The following TECR variants were observed in gnomAD, a reference collection of about 807,000 sequenced individuals.
TECR encodes trans-2,3-enoyl-CoA reductase.
Under a neutral mutation model 50.6 loss-of-function variants are expected in TECR, and 19 were observed. That is an observed-to-expected ratio of 0.38 (90% CI 0.26 to 0.55). The LOEUF (loss-of-function observed/expected upper bound fraction) is 0.55, where lower values mean the gene tolerates loss of function less well. Ranked by LOEUF, TECR falls within the 20% of genes least tolerant of loss-of-function variation. The probability of loss-of-function intolerance (pLI) is 0.79; values close to 1 mark genes in which losing one functional copy is unlikely to be tolerated. For synonymous variants in TECR, 168 were observed against 163.5 expected (o/e 1.03, Z -0.21); for missense variants, 313 against 408.3 (o/e 0.77, Z 2.01).
In TECR at chr19:14,562,662, C is replaced by A. The variant is rs1004206941; in HGVS notation, c.66+87C>A. The A allele has an allele frequency of 2.5e-5, 36 of 1,429,872 alleles. No individual in the cohort carries two copies. In the African/African-American group the frequency reaches 3.1e-4, roughly 12 times the overall value. 88.6% of individuals were successfully genotyped at this position (1,429,872 alleles called of 1,614,324 possible). On this transcript the variant is annotated intron_variant, in intron 2 of 12. Transcript: ENST00000215567. Reference sequence around the variant, plus strand: ...TAGCCCAGGAGCTGTCCAGTGGGGCCCTTTGTGCCCCACCCCCTGCCCTAT... The same window carrying A: ...TAGCCCAGGAGCTGTCCAGTGGGGCACTTTGTGCCCCACCCCCTGCCCTAT...
At chr19:14,558,672 C>A (rs1423435327) in intron 1 of TECR, among the ~76,000 whole-genome samples, 1 of 152,170 alleles carries the variant, frequency 6.6e-6, no homozygotes, top group African/African-American at 2.4e-5. Flanking sequence ...GTGGTCTCAC[C>A]CCTTGCCCGT....
intron 2 of TECR, 45 bp downstream of exon 2, chr19:14,562,620 C>G (rs745314056): frequency 5.0e-5 from 80 of 1,608,790 alleles, no homozygotes; most frequent in Non-Finnish European, 6.4e-5. Context: ...GCACTGGGCC[C>G]GGGACCCCAA....
At chr19:14,564,701 C>T in intron 7 of TECR, 85 bp from the exon 8 acceptor site, 3 of 1,445,738 alleles carry the variant, frequency 2.1e-6, no homozygotes, top group East Asian at 2.3e-5. Flanking sequence ...CCACCATGCT[C>T]CCAGGCCCCT....
At chr19:14,556,819 C>T (rs995214887) in intron 1 of TECR, among the ~76,000 whole-genome samples, 64 of 152,166 alleles carry the variant, frequency 4.2e-4, no homozygotes, top group Non-Finnish European at 6.8e-4. Flanking sequence ...TAAGTCTGTG[C>T]GGCCACAAGG....
At chr19:14,528,940 A>AAAAAC (rs553743215), upstream of TECR, among the ~76,000 whole-genome samples, 1 of 152,168 alleles carries the variant, frequency 6.6e-6, no homozygotes, top group Non-Finnish European at 1.5e-5. Context: ...AGATTGTTTC[A>AAAAAC]AAAACAAAAC....
At chr19:14,562,146 C>T (rs766236934) in intron 1 of TECR, 242 of 565,872 alleles carry the variant, frequency 4.3e-4, no homozygotes, top group Non-Finnish European at 7.0e-4. Context: ...TCCTGGGGGG[C>T]GCAGTCTGGG....
At chr19:14,531,600 T>G (rs977109575) in intron 1 of TECR, 3 of 152,090 alleles carry the variant, frequency 2.0e-5, no homozygotes, top group African/African-American at 4.8e-5. Flanking sequence ...TTTTGTATTT[T>G]TAGTAGAGAC....
chr19:14,560,701 G>A (rs1474839094), intron 1 of TECR, among the ~76,000 whole-genome samples: 5 of 152,242 alleles, frequency 3.3e-5, no homozygotes, highest in Non-Finnish European at 7.3e-5. Flanking sequence ...AGGAGGCCCC[G>A]TGGGCCAGGA....
chr19:14,560,831 T>C lies in TECR; in HGVS notation c.16-1694T>C, dbSNP rs1431831176. ...TGCCAGGCCAGCAGGGGAGTGGGGA[T>C]CTGAACCAAACCCACGGGCAACAAT... On this transcript the variant is annotated intron_variant, in intron 1 of 12. Transcript: ENST00000215567. Among the ~76,000 whole-genome samples the C allele has an allele frequency of 2.0e-5, 3 of 152,226 alleles. No individual in the cohort carries two copies. In the East Asian group the frequency reaches 5.8e-4, roughly 29 times the overall value.
At chr19:14,547,200 T>G (rs1034831279) in intron 1 of TECR, among the ~76,000 whole-genome samples, 5 of 152,214 alleles carry the variant, frequency 3.3e-5, no homozygotes, top group African/African-American at 1.2e-4. Context: ...CTGAAGCATT[T>G]AGACTCTAGA....
At chr19:14,561,431 T>C (rs1008510476) in intron 1 of TECR, among the ~76,000 whole-genome samples, 5 of 152,090 alleles carry the variant, frequency 3.3e-5, no homozygotes, top group Non-Finnish European at 5.9e-5. Flanking sequence ...GCTGCCTCCC[T>C]CCAGCCCTGC....
At position 14,542,943 on chromosome 19, in the gene TECR, TGA is replaced by T. The variant is rs377587214; in HGVS notation, c.15+13237_15+13238del. On this transcript the variant is annotated intron_variant, in intron 1 of 12. Transcript: ENST00000215567. ...GCCCACCAGCCATTCACAGACTGCC[TGA>T]GAGAATGCAGGGCTTTATGCAGTCT... Among the ~76,000 whole-genome samples, 22 of 151,818 alleles carry T rather than the reference TGA, an allele frequency of 1.4e-4. 2 individuals carry two copies. The highest frequency in any genetic ancestry group is 5.3e-4 in the African/African-American group (22 of 41,372).
chr19:14,534,211 G>A (rs1192287669), intron 1 of TECR, among the ~76,000 whole-genome samples: 1 of 149,334 alleles, frequency 6.7e-6, no homozygotes, highest in South Asian at 2.1e-4. Context: ...TGTAAGCTCC[G>A]CCTCCCGGGT....
rs1254293613 is a variant in TECR, at chr19:14,564,813, G to A, written c.517G>A (p.Ala173Thr). Residue 173 changes from alanine (A) to threonine (T), a missense_variant, in exon 8 of 13, where the codon GCG becomes ACG. Ala to Thr is a moderately conservative substitution (Grantham distance 58, BLOSUM62 0). Coordinates refer to ENST00000215567, the MANE Select transcript of TECR (RefSeq NM_138501.6). ...CTGCACCTACTACTGGGGCTTCGCC[G>A]CGTGGATGGCCTATTACATCAATCA... ...KNCTYYWGFA[A>T]WMAYYINHPL... 1 of 1,613,540 alleles carries A rather than the reference G, an allele frequency of 6.2e-7. No homozygotes were observed. Among genetic ancestry groups the A allele is most frequent in the Non-Finnish European group, 8.5e-7 (1 of 1,179,952 alleles).
intron 1 of TECR, among the ~76,000 whole-genome samples, chr19:14,540,147 C>T (rs2073048962): frequency 6.6e-6 from 1 of 151,968 alleles, no homozygotes; most frequent in South Asian, 2.1e-4. Flanking sequence ...GCAAGCTCCA[C>T]CTCCCAGGTT....
chr19:14,531,215 T>TACAA (rs1363343667), intron 1 of TECR: 1 of 151,610 alleles, frequency 6.6e-6, no homozygotes, highest in Non-Finnish European at 1.5e-5. Context: ...TTTGTATTTT[T>TACAA]AGTAGAGATG....
chr19:14,544,833 G>C lies in TECR; in HGVS notation c.15+15122G>C, dbSNP rs188935085. 2.8e-3 allele frequency among the ~76,000 whole-genome samples: 423 copies of C among 152,094 alleles called. 2 individuals carry two copies. The highest frequency in any genetic ancestry group is 3.9e-3 in the Non-Finnish European group (263 of 67,984). On this transcript the variant is annotated intron_variant, in intron 1 of 12. Coordinates refer to ENST00000215567, the MANE Select transcript of TECR (RefSeq NM_138501.6). ...TTTTCTGTAGAGATGGGGTCTTGCTGTGTTGCCTAAGCTGGTCTTGAACTC... is the reference window on the plus strand; with the variant it reads ...TTTTCTGTAGAGATGGGGTCTTGCTCTGTTGCCTAAGCTGGTCTTGAACTC...
intron 1 of TECR, among the ~76,000 whole-genome samples, chr19:14,558,960 G>T (rs936278559): frequency 6.6e-6 from 1 of 152,156 alleles, no homozygotes; most frequent in African/African-American, 2.4e-5. Flanking sequence ...CCTGCCCCCT[G>T]TTGGCCTCAG....
chr19:14,564,367 A>G, intron 7 of TECR, 80 bp downstream of exon 7: 2 of 886,494 alleles, frequency 2.3e-6, no homozygotes, highest in African/African-American at 8.8e-5. Context: ...CCCCACCCCA[A>G]GGCCCTTCCT....
Sources: allele counts gnomAD v4.1 joint callset (sites outside exome capture counted in the v4.1 genomes callset), GRCh38; gene constraint gnomAD v4.1.1; transcripts MANE v1.5; gene names NCBI Gene and HGNC (gene_info 2026-07-23, HGNC 2026-07-21).